The following SETD7 variants were observed in gnomAD, a reference collection of about 807,000 sequenced individuals.
The protein encoded by SETD7 is histone-lysine N-methyltransferase SETD7.
In SETD7, 16 loss-of-function variants were observed where a neutral mutation model predicts 41.8. The ratio of observed to expected loss-of-function variants is 0.38; its 90% CI spans 0.26 to 0.58. The LOEUF is 0.58. SETD7 is among the 20% of genes least tolerant of loss of function. SETD7 has a pLI of 0.64. For missense variants in SETD7, 346 were observed against 459.7 expected, an observed-to-expected ratio of 0.75 and a Z score of 2.26; for synonymous variants, 163 against 169.7, an observed-to-expected ratio of 0.96 and a Z score of 0.31.
At chr4:139,535,406 C>G (rs544840020) in intron 2 of SETD7, among the ~76,000 whole-genome samples, 1 of 152,134 alleles carries the variant, frequency 6.6e-6, no homozygotes, top group Admixed American at 6.6e-5. Context: ...TTTGCTCATC[C>G]TGGCAACCCT....
rs767164968 is a variant in SETD7 at position 139,556,105 on chromosome 4, C to T, written c.33G>A (p.Ala11=). The T allele has an allele frequency of 1.2e-6, 2 of 1,603,346 alleles. No individual in the cohort carries two copies. Among genetic ancestry groups the T allele is most frequent in the Non-Finnish European group, 1.7e-6 (2 of 1,175,662 alleles). MDSDDEMVEE[A]VEGHLDDDGL... is the part of the protein sequence containing the mutation. ...CCGGAGAAATGCTTGTACCTTCCAC[C>T]GCCTCCTCCACCATCTCGTCGTCGC... Residue 11 remains alanine, a synonymous_variant, in exon 1 of 8, where the codon GCG becomes GCA. Coordinates refer to ENST00000274031, the MANE Select transcript of SETD7 (RefSeq NM_030648.4).
At chr4:139,543,050 G>C (rs1354021077) in intron 2 of SETD7, among the ~76,000 whole-genome samples, 1 of 152,132 alleles carries the variant, frequency 6.6e-6, no homozygotes, top group African/African-American at 2.4e-5. Context: ...CTCTTTGATG[G>C]GGACACAAAT....
chr4:139,496,539 A>G, intron 7 of SETD7: 1 of 701,212 alleles, frequency 1.4e-6, no homozygotes, highest in Non-Finnish European at 2.6e-6. Context: ...TGGAGAAGCA[A>G]CTGGCTGAGA....
intron 1 of SETD7, among the ~76,000 whole-genome samples, chr4:139,549,512 A>ATTCC (rs144848460): frequency 1.3e-5 from 2 of 149,904 alleles, no homozygotes; most frequent in Admixed American, 1.3e-4. Context: ...ATGAAGAATT[A>ATTCC]TTCCTTCCTT....
intron 4 of SETD7, among the ~76,000 whole-genome samples, chr4:139,526,925 A>C (rs1201447438): frequency 6.6e-6 from 1 of 152,266 alleles, no homozygotes; most frequent in Non-Finnish European, 1.5e-5. Flanking sequence ...TGTAGTTCAA[A>C]GATTACTGCT....
chr4:139,521,251 C>T (rs1289542469), intron 5 of SETD7, among the ~76,000 whole-genome samples: 1 of 151,818 alleles, frequency 6.6e-6, no homozygotes, highest in Non-Finnish European at 1.5e-5. Flanking sequence ...CATGGTGAAA[C>T]CCCGTCTCTA....
intron 2 of SETD7, among the ~76,000 whole-genome samples, chr4:139,541,985 CAA>C (rs1215614021): frequency 2.0e-5 from 3 of 152,152 alleles, no homozygotes; most frequent in African/African-American, 4.8e-5. Flanking sequence ...GAAATCAACC[CAA>C]GTTTCCATTA....
In SETD7 at chr4:139,517,979, C is replaced by T; in HGVS notation, c.826G>A (p.Asp276Asn). ...TLSLDEETVIDVPEPYNHVSK... is the reference protein window; with the variant it reads ...TLSLDEETVINVPEPYNHVSK... ...ACGTGGTTATAGGGCTCAGGCACAT[C>T]AATGACCGTTTCTTCATCAAGGGAG... Residue 276 changes from aspartate to asparagine, a missense_variant, in exon 7 of 8, where the codon GAT becomes AAT. Transcript: ENST00000274031. 1 of 1,614,102 alleles carries T rather than the reference C, an allele frequency of 6.2e-7. No homozygotes were observed. Among genetic ancestry groups the T allele is most frequent in the Non-Finnish European group, 8.5e-7 (1 of 1,180,000 alleles).
intron 2 of SETD7, among the ~76,000 whole-genome samples, chr4:139,538,639 T>C (rs1434135382): frequency 1.3e-5 from 2 of 151,958 alleles, no homozygotes; most frequent in African/African-American, 2.4e-5. Flanking sequence ...TTCATTTCTA[T>C]ACCACGCATT....
rs150244064 is a variant in SETD7, at chr4:139,516,936, G to C, written c.920+949C>G. On this transcript the variant is annotated intron_variant, in intron 7 of 7. Coordinates refer to ENST00000274031, the MANE Select transcript of SETD7 (RefSeq NM_030648.4). ...TCCTTATCACCCCTCCCCAGCCCTA[G>C]GGAACCACTAATCTACTTTCTATCT... Among the ~76,000 whole-genome samples, 205 of 152,120 alleles carry C rather than the reference G, an allele frequency of 1.3e-3. 1 individual carries two copies. The highest frequency in any genetic ancestry group is 4.7e-3 in the African/African-American group (197 of 41,500).
chr4:139,523,271 C>A, intron 5 of SETD7, 83 bp downstream of exon 5: 2 of 1,010,934 alleles, frequency 2.0e-6, no homozygotes, highest in Non-Finnish European at 1.5e-6. Flanking sequence ...GGGCAGAGAG[C>A]CAAAGAGGTG....
rs1193357963 is a variant in SETD7 at position 139,510,955 on chromosome 4, GC to G, written c.*707del. The G allele has an allele frequency of 2.6e-5, 4 of 152,288 alleles. No homozygotes were observed. The highest frequency in any genetic ancestry group is 2.6e-4 in the Admixed American group (4 of 15,242). The allele number at this position is 152,288 out of a possible 1,614,324, so 9.4% of individuals were successfully genotyped here. On this transcript the variant is annotated 3_prime_UTR_variant, in exon 8 of 8. Transcript: ENST00000274031. ...AATAATATTCTATAATAATACCCTG[GC>G]CCTATGAGCCAGTACTTTATATTAG...
rs1348783358 is a variant in SETD7, at chr4:139,496,847, T to C, written c.921-326A>G. Among the ~76,000 whole-genome samples the C allele has an allele frequency of 3.3e-5, 5 of 152,108 alleles. No individual in the cohort carries two copies. In the South Asian group the frequency reaches 1.0e-3, roughly 32 times the overall value. ...TCCACATAGCTGTAGGTTTTGTAAA[T>C]CGTACTTAGATAAGTTGTGTTCCTG... is the stretch of plus-strand genomic sequence containing the variant. On this transcript the variant is annotated intron_variant, in intron 7 of 7. Coordinates refer to the SETD7 transcript ENST00000506866.
At chr4:139,514,023 C>T (rs768281237) in intron 7 of SETD7, among the ~76,000 whole-genome samples, 8 of 152,266 alleles carry the variant, frequency 5.3e-5, no homozygotes, top group Non-Finnish European at 1.0e-4. Flanking sequence ...TGGCCCATGC[C>T]TGTATTCCCA....
At chr4:139,518,068 T>A (rs770372129) in intron 6 of SETD7, 26 bp from the exon 7 acceptor site, 1 of 1,601,286 alleles carries the variant, frequency 6.2e-7, no homozygotes, top group Non-Finnish European at 8.5e-7. Context: ...AAGCGAGCCT[T>A]AGAGAGGACC....
At chr4:139,540,686 G>T (rs1727756613) in intron 2 of SETD7, among the ~76,000 whole-genome samples, 1 of 152,208 alleles carries the variant, frequency 6.6e-6, no homozygotes, top group Non-Finnish European at 1.5e-5. Context: ...CATTTCATTT[G>T]CACTCTCTTC....
At chr4:139,528,883 T>C (rs1727403273) in intron 4 of SETD7, 148 bp downstream of exon 4, 1 of 655,104 alleles carries the variant, frequency 1.5e-6, no homozygotes, top group African/African-American at 1.9e-5. Flanking sequence ...ACTGGGGAGG[T>C]GCAGTGTCTG....
At chr4:139,497,310 A>T (rs1261783534) in intron 7 of SETD7, among the ~76,000 whole-genome samples, 1 of 151,672 alleles carries the variant, frequency 6.6e-6, no homozygotes, top group Non-Finnish European at 1.5e-5. Flanking sequence ...CAAAAATTAG[A>T]TGGGCATGGT....
chr4:139,519,800 C>T (rs1285617685), intron 6 of SETD7, among the ~76,000 whole-genome samples: 1 of 152,166 alleles, frequency 6.6e-6, no homozygotes, highest in Admixed American at 6.5e-5. Context: ...ATATATGAAG[C>T]CTTTGACATA....
Sources: gnomAD v4.1 joint callset for allele counts (sites outside exome capture counted in the v4.1 genomes callset) on GRCh38, gnomAD v4.1.1 for gene constraint, MANE v1.5 for transcripts, NCBI Gene and HGNC (gene_info 2026-07-23, HGNC 2026-07-21) for gene names.